The following CD55 variants were observed in gnomAD, a reference collection of about 807,000 sequenced individuals.
The protein encoded by CD55 is CD55 molecule (Cromer blood group), also known as complement decay-accelerating factor.
In CD55, 41 loss-of-function variants were observed where a neutral mutation model predicts 45.8. The observed-to-expected ratio is 0.90, with a 90% CI of 0.70 to 1.16. The LOEUF (loss-of-function observed/expected upper bound fraction) is 1.16, where lower values mean the gene tolerates loss of function less well. CD55 is among the 50% of genes most tolerant of loss of function. CD55 has a pLI of 0.00. For missense variants in CD55, 416 were observed against 469.8 expected (o/e 0.89, Z 1.06); for synonymous variants, 181 against 181.1 (o/e 1.00, Z 0.01).
chr1:207,354,632 G>C (rs1383290040), intron 9 of CD55, among the ~76,000 whole-genome samples: 1 of 152,060 alleles, frequency 6.6e-6, no homozygotes, highest in Non-Finnish European at 1.5e-5. Flanking sequence ...TTCCCAAGTT[G>C]TATAAATCTT....
chr1:207,323,266 TAG>T (rs974624895), intron 2 of CD55, among the ~76,000 whole-genome samples: 1 of 150,730 alleles, frequency 6.6e-6, no homozygotes, highest in African/African-American at 2.4e-5. Flanking sequence ...TATATATATA[TAG>T]GGAGATATAT....
chr1:207,333,520 T>C (rs1044499082), intron 6 of CD55, among the ~76,000 whole-genome samples: 1 of 152,184 alleles, frequency 6.6e-6, no homozygotes, highest in African/African-American at 2.4e-5. Context: ...ATACAATGTT[T>C]GGCATACAAC....
At chr1:207,345,767 C>T (rs1655606851) in intron 9 of CD55, among the ~76,000 whole-genome samples, 1 of 152,100 alleles carries the variant, frequency 6.6e-6, no homozygotes, top group African/African-American at 2.4e-5. Flanking sequence ...TTTATGGTGT[C>T]AGTTAGGTGG....
At chr1:207,331,978 C>T (rs1180202943) in intron 6 of CD55, among the ~76,000 whole-genome samples, 3 of 151,970 alleles carry the variant, frequency 2.0e-5, no homozygotes, top group Non-Finnish European at 4.4e-5. Flanking sequence ...TGAGTATTTA[C>T]TTTTATAATT....
At position 207,357,499 on chromosome 1, in the gene CD55, A is replaced by C. The variant is rs1013080906; in HGVS notation, c.1082-2047A>C. ...CAAGTTATAAAGTATCAATGTATAGAGTATTATCAATTTACCAAAGCTACT... is the reference window on the plus strand; with the variant it reads ...CAAGTTATAAAGTATCAATGTATAGCGTATTATCAATTTACCAAAGCTACT... On this transcript the variant is annotated intron_variant, in intron 9 of 9. Coordinates refer to ENST00000367064, the MANE Select transcript of CD55 (RefSeq NM_000574.5). Among the ~76,000 whole-genome samples, 3 of 139,332 alleles carry C rather than the reference A, an allele frequency of 2.2e-5. No individual in the cohort carries two copies. The East Asian group carries it at 7.1e-4, about 33-fold the overall frequency. 91.4% of individuals were successfully genotyped at this position (139,332 alleles called of 152,430 possible).
chr1:207,322,536 T>C lies in CD55; in HGVS notation c.255T>C (p.Ser85=), dbSNP rs774482588. 2.5e-6 allele frequency: 4 copies of C among 1,613,646 alleles called. No homozygotes were observed. Among genetic ancestry groups the C allele is most frequent in the Non-Finnish European group, 3.4e-6 (4 of 1,179,836 alleles). The change falls in exon 2 of 10, where the codon AGT becomes AGC. Residue 85 remains serine (S), a synonymous_variant. Transcript: ENST00000367064. The part of the protein sequence containing the change: ...EKDSVICLKG[S]QWSDIEEFCN... ...ACTCAGTGATCTGCCTTAAGGGCAG[T>C]CAATGGTCAGATATTGAAGAGTTCT... is the stretch of plus-strand genomic sequence containing the variant.
At chr1:207,324,037 T>C (rs1368525075) in intron 2 of CD55, among the ~76,000 whole-genome samples, 1 of 152,110 alleles carries the variant, frequency 6.6e-6, no homozygotes, top group Non-Finnish European at 1.5e-5. Context: ...GTAAATACTT[T>C]ATGTATACAA....
intron 2 of CD55, among the ~76,000 whole-genome samples, chr1:207,323,584 A>G (rs1654529255): frequency 6.6e-6 from 1 of 152,334 alleles, no homozygotes; most frequent in South Asian, 2.1e-4. Context: ...GCTTTGAGAT[A>G]TATGAGTAGA....
chr1:207,323,189 T>C (rs1382958619), intron 2 of CD55, among the ~76,000 whole-genome samples: 1 of 150,554 alleles, frequency 6.6e-6, no homozygotes, highest in Admixed American at 6.6e-5. Context: ...ATATATATAA[T>C]TGGGATATAT....
intron 8 of CD55, among the ~76,000 whole-genome samples, chr1:207,338,348 G>A (rs1226200277): frequency 6.6e-6 from 1 of 152,036 alleles, no homozygotes; most frequent in Non-Finnish European, 1.5e-5. Context: ...AATTCTTTAT[G>A]TGGTTTTTTT....
At chr1:207,340,412 C>T in intron 9 of CD55, 1 of 473,782 alleles carries the variant, frequency 2.1e-6, no homozygotes, top group East Asian at 3.5e-5. Flanking sequence ...GTCACCCAGG[C>T]TGGTATGCGG....
Position 207,345,695 on chromosome 1 carries a change from T to C in CD55, c.1081+6278T>C, listed in dbSNP as rs539111261. On this transcript the variant is annotated intron_variant, in intron 9 of 9. Coordinates refer to ENST00000367064, the MANE Select transcript of CD55 (RefSeq NM_000574.5). The stretch of plus-strand genomic sequence containing the variant: ...GTTGATATCTGTGCATCTGATGTGA[T>C]ATTTGCTGTTTCTAATTTTTCAAAT... 1.5e-3 allele frequency among the ~76,000 whole-genome samples: 233 copies of C among 152,324 alleles called. 1 individual carries two copies. Among genetic ancestry groups the C allele is most frequent in the Admixed American group, 0.013 (205 of 15,296 alleles).
chr1:207,354,062 G>C (rs1422765302), intron 9 of CD55: 1 of 1,535,302 alleles, frequency 6.5e-7, no homozygotes, highest in Non-Finnish European at 8.7e-7. Context: ...CTTCAAAAAA[G>C]ATGATGTGCA....
chr1:207,331,122 G>C lies in CD55; in HGVS notation c.679G>C (p.Ala227Pro), dbSNP rs60822373. 1.1e-3 allele frequency: 1,748 copies of C among 1,611,430 alleles called. 18 individuals are homozygous for C. The African/African-American group carries it at 0.018, about 17-fold the overall frequency. ...TGTTTTTTAAGAAATTTATTGTCCA[G>C]CACCACCACAAATTGACAATGGAAT... Reference protein sequence around the residue: ...LPECREIYCPAPPQIDNGIIQ... With the variant: ...LPECREIYCPPPPQIDNGIIQ... Residue 227 changes from alanine (A) to proline (P), a missense_variant, in exon 6 of 10, where the codon GCA (alanine) becomes CCA (proline). By Grantham distance (27) the Ala-to-Pro change is conservative. Transcript: ENST00000367064.
chr1:207,334,897 G>A (rs1655101146), intron 6 of CD55, among the ~76,000 whole-genome samples: 1 of 82,780 alleles, frequency 1.2e-5, no homozygotes, highest in South Asian at 3.1e-4. Context: ...ATTTTAAAAA[G>A]AACCTAGTTC....
In CD55 at chr1:207,339,414, T is replaced by C; in HGVS notation, c.1078T>C (p.Ser360Pro). The change falls in exon 9 of 10, where the codon TCT (serine) becomes CCT (proline). Residue 360 changes from serine (S) to proline (P), a missense_variant. Around this residue, in one of 3 missense-constraint regions of CD55, gnomAD observed 182 missense variants for 201.4 expected, o/e 0.90. Transcript: ENST00000367064. ...GTCTGTAGGTACTACCCGTCTTCTA[T>C]CTGGTAAGTTTGGCTCTCAGGCCAT... is the stretch of plus-strand genomic sequence containing the variant. ...GTTSGTTRLL[S>P]GHTCFTLTGL... 6.2e-7 allele frequency: 1 copy of C among 1,607,544 alleles called. No homozygotes were observed. Among genetic ancestry groups the C allele is most frequent in the South Asian group, 1.1e-5 (1 of 89,782 alleles).
intron 6 of CD55, among the ~76,000 whole-genome samples, chr1:207,332,366 A>G (rs998793846): frequency 1.9e-4 from 29 of 152,144 alleles, no homozygotes; most frequent in Admixed American, 1.8e-3. Context: ...CTGCACATAT[A>G]TGCAAGTACA....
chr1:207,339,335 T>C, intron 8 of CD55, 62 bp from the exon 9 acceptor site: 1 of 1,280,962 alleles, frequency 7.8e-7, no homozygotes, highest in Non-Finnish European at 1.1e-6. Context: ...ATGAAATTGC[T>C]AGCAAATCAA....
intron 5 of CD55, among the ~76,000 whole-genome samples, chr1:207,328,324 CCTTA>C (rs1349930909): frequency 6.6e-6 from 1 of 152,196 alleles, no homozygotes; most frequent in Non-Finnish European, 1.5e-5. Context: ...CCCTATAAGG[CCTTA>C]CTTCTTTCAG....
Sources: allele counts gnomAD v4.1 joint callset (sites outside exome capture counted in the v4.1 genomes callset), GRCh38; gene constraint gnomAD v4.1.1; regional missense constraint gnomAD v4.1.1; transcripts MANE v1.5; gene names NCBI Gene and HGNC (gene_info 2026-07-23, HGNC 2026-07-21).